Variants in ERC2 observed in about 807,000 individuals in gnomAD.
ERC2 encodes the protein ELKS/RAB6-interacting/CAST family member 2.
A neutral mutation model predicts 114.8 loss-of-function variants in ERC2; 42 were observed. The observed-to-expected ratio is 0.37, with a 90% CI of 0.29 to 0.47. The LOEUF (loss-of-function observed/expected upper bound fraction) is 0.47, where lower values mean the gene tolerates loss of function less well. ERC2 is among the 20% of genes least tolerant of loss of function. The probability of loss-of-function intolerance (pLI) is 0.99; values close to 1 mark genes in which losing one functional copy is unlikely to be tolerated. For missense variants in ERC2, 939 were observed against 1,150.7 expected (o/e 0.82, Z 2.66); for synonymous variants, 454 against 425.5 (o/e 1.07, Z -0.82).
intron 6 of ERC2, among the ~76,000 whole-genome samples, chr3:56,123,885 T>C (rs2079727933): frequency 6.6e-6 from 1 of 152,230 alleles, no homozygotes; most frequent in Non-Finnish European, 1.5e-5. Context: ...TTATTTTTGG[T>C]TCTGGGTCTA....
intron 14 of ERC2, among the ~76,000 whole-genome samples, chr3:55,802,400 A>G (rs1287212860): frequency 1.3e-5 from 2 of 152,222 alleles, no homozygotes; most frequent in African/African-American, 2.4e-5. Flanking sequence ...AGATAGGGAG[A>G]ACACCCAGAT....
chr3:56,067,638 C>T (rs368006274), intron 7 of ERC2, among the ~76,000 whole-genome samples: 14 of 152,144 alleles, frequency 9.2e-5, no homozygotes, highest in African/African-American at 2.9e-4. Context: ...AAAGGGAATG[C>T]TTCCAGCTTT....
At chr3:56,207,251 C>T in intron 3 of ERC2, among the ~76,000 whole-genome samples, 1 of 151,868 alleles carries the variant, frequency 6.6e-6, no homozygotes, top group Middle Eastern at 3.4e-3. Flanking sequence ...ATAACCTTTT[C>T]CCTAATTACA....
In ERC2 at chr3:56,091,988, A is replaced by G. The variant is rs73089267; in HGVS notation, c.1474-11004T>C. ...AGAAAAAAAACCTATATTATATTTA[A>G]AAACATTTAGATAGCACAAAGAAAA... On this transcript the variant is annotated intron_variant, in intron 6 of 17. Transcript: ENST00000288221. Among the ~76,000 whole-genome samples the G allele has an allele frequency of 9.0e-3, 1,368 of 152,306 alleles. 7 individuals are homozygous for G. Among genetic ancestry groups the G allele is most frequent in the Middle Eastern group, 0.017 (5 of 294 alleles).
At chr3:56,313,578 G>A (rs961061582) in intron 2 of ERC2, among the ~76,000 whole-genome samples, 5 of 152,266 alleles carry the variant, frequency 3.3e-5, no homozygotes, top group African/African-American at 9.6e-5. Context: ...ACATCTCCCC[G>A]AATCAAAGCA....
rs75944599 is a variant in ERC2, at chr3:55,618,219, T to C, written c.*39+65575A>G. On this transcript the variant is annotated intron_variant, in intron 17 of 17. Coordinates refer to ENST00000288221, the MANE Select transcript of ERC2 (RefSeq NM_015576.3). ...GAGCTCTTTACCTATTGGAGTTAAATTGGAAAAGCAAAGCAACACCAAACA... is the reference window on the plus strand; with the variant it reads ...GAGCTCTTTACCTATTGGAGTTAAACTGGAAAAGCAAAGCAACACCAAACA... Among the ~76,000 whole-genome samples the C allele has an allele frequency of 3.3e-5, 5 of 151,914 alleles. No homozygotes were observed. The East Asian group carries it at 5.8e-4, about 18-fold the overall frequency.
intron 17 of ERC2, among the ~76,000 whole-genome samples, chr3:55,608,101 T>C (rs1458526510): frequency 2.0e-5 from 3 of 152,200 alleles, no homozygotes; most frequent in Non-Finnish European, 4.4e-5. Context: ...CTGGAGAGGA[T>C]GGCTTAAGAC....
intron 7 of ERC2, among the ~76,000 whole-genome samples, chr3:56,025,601 C>T (rs1041287518): frequency 2.6e-5 from 4 of 152,224 alleles, no homozygotes; most frequent in Admixed American, 2.0e-4. Flanking sequence ...AAATCACCCT[C>T]CTGCTTGGAA....
chr3:56,093,175 T>C (rs971517056), intron 6 of ERC2, among the ~76,000 whole-genome samples: 8 of 152,186 alleles, frequency 5.3e-5, no homozygotes, highest in Non-Finnish European at 1.2e-4. Flanking sequence ...ATCCAGAAGT[T>C]TGCTATAAGA....
At chr3:56,162,730 T>A (rs1043895030) in intron 4 of ERC2, among the ~76,000 whole-genome samples, 2 of 152,150 alleles carry the variant, frequency 1.3e-5, no homozygotes, top group Admixed American at 6.6e-5. Context: ...TATTGTCACC[T>A]TTGTCATTTC....
chr3:55,735,610 C>T (rs1372026091), intron 14 of ERC2, among the ~76,000 whole-genome samples: 4 of 152,174 alleles, frequency 2.6e-5, no homozygotes, highest in Non-Finnish European at 5.9e-5. Flanking sequence ...TCTAAGCACC[C>T]CTTAATGCCC....
chr3:55,969,392 T>TACACACACACACACACACAC (rs10555030), intron 12 of ERC2, among the ~76,000 whole-genome samples: 2 of 140,604 alleles, frequency 1.4e-5, no homozygotes, highest in Admixed American at 1.4e-4. Context: ...TTTATACACA[T>TACACACACACACACACACAC]ACACACACAC....
intron 17 of ERC2, among the ~76,000 whole-genome samples, chr3:55,584,778 G>A (rs768244474): frequency 1.3e-4 from 20 of 152,134 alleles, no homozygotes; most frequent in Non-Finnish European, 2.2e-4. Flanking sequence ...GGCACCTCCC[G>A]AACTGAGAAG....
intron 14 of ERC2, among the ~76,000 whole-genome samples, chr3:55,782,341 C>T (rs1244927925): frequency 6.6e-6 from 1 of 152,194 alleles, no homozygotes; most frequent in Non-Finnish European, 1.5e-5. Context: ...CTCACCTCTT[C>T]CCCCTGCATC....
At chr3:56,077,158 G>T (rs2077014670) in intron 7 of ERC2, among the ~76,000 whole-genome samples, 1 of 152,060 alleles carries the variant, frequency 6.6e-6, no homozygotes, top group Non-Finnish European at 1.5e-5. Context: ...ATGTTTCATT[G>T]GCCCATTCGT....
intron 12 of ERC2, among the ~76,000 whole-genome samples, chr3:55,973,912 T>C (rs2069368524): frequency 6.6e-6 from 1 of 152,212 alleles, no homozygotes; most frequent in African/African-American, 2.4e-5. Flanking sequence ...ATTTAAAATG[T>C]AGGGAAGTTT....
intron 2 of ERC2, among the ~76,000 whole-genome samples, chr3:56,394,223 C>G (rs532363968): frequency 5.3e-5 from 8 of 152,206 alleles, no homozygotes; most frequent in African/African-American, 1.9e-4. Flanking sequence ...TCTAAATTAT[C>G]CAGAATAAAA....
intron 4 of ERC2, among the ~76,000 whole-genome samples, chr3:56,162,787 G>A (rs2082120113): frequency 6.6e-6 from 1 of 151,826 alleles, no homozygotes; most frequent in Non-Finnish European, 1.5e-5. Flanking sequence ...TCTAGCTAAT[G>A]GTCTATCAAT....
intron 14 of ERC2, among the ~76,000 whole-genome samples, chr3:55,804,846 C>T (rs780456654): frequency 6.6e-6 from 1 of 151,998 alleles, no homozygotes; most frequent in South Asian, 2.1e-4. Context: ...CCTGCTTGGA[C>T]CAGGTACCTG....
Sources: gnomAD v4.1 joint callset for allele counts (sites outside exome capture counted in the v4.1 genomes callset) on GRCh38, gnomAD v4.1.1 for gene constraint, MANE v1.5 for transcripts, NCBI Gene and HGNC (gene_info 2026-07-23, HGNC 2026-07-21) for gene names.